The following ANKRD12 variants were observed in gnomAD, a reference collection of about 807,000 sequenced individuals.
ANKRD12 encodes ankyrin repeat domain-containing protein 12.
In ANKRD12, 85 loss-of-function variants were observed where a neutral mutation model predicts 183.4. That is an observed-to-expected ratio of 0.46 (90% CI 0.39 to 0.56). The LOEUF (loss-of-function observed/expected upper bound fraction) is 0.56. Among genes scored for constraint, ANKRD12 ranks in the 20% least tolerant of loss-of-function variants. The pLI, the probability that ANKRD12 is intolerant of heterozygous loss-of-function variation, is 0.00. For missense variants in ANKRD12, 2,405 were observed against 2,357.1 expected (o/e 1.02, Z -0.42); for synonymous variants, 914 against 800.2 (o/e 1.14, Z -2.40).
At chr18:9,224,695 T>A (rs1219898602) in intron 8 of ANKRD12, among the ~76,000 whole-genome samples, 1 of 152,206 alleles carries the variant, frequency 6.6e-6, no homozygotes, top group Non-Finnish European at 1.5e-5. Context: ...TGCAGAGATA[T>A]AACCAGAAGT....
At chr18:9,259,047 TGTCA>T (rs2038806437) in intron 9 of ANKRD12, 116 bp downstream of exon 9, 3 of 1,199,212 alleles carry the variant, frequency 2.5e-6, no homozygotes, top group Non-Finnish European at 3.4e-6. Flanking sequence ...CAAAATAATC[TGTCA>T]GTGAGTCGAG....
At chr18:9,210,006 T>A (rs551478709) in intron 5 of ANKRD12, among the ~76,000 whole-genome samples, 1 of 151,682 alleles carries the variant, frequency 6.6e-6, no homozygotes, top group East Asian at 1.9e-4. Flanking sequence ...TATGGGTTAA[T>A]TTTTTTTTCT....
At chr18:9,215,137 C>G (rs966254672) in intron 6 of ANKRD12, among the ~76,000 whole-genome samples, 2 of 152,012 alleles carry the variant, frequency 1.3e-5, no homozygotes, top group African/African-American at 4.8e-5. Flanking sequence ...GAAAATCTGC[C>G]TGAACAGTTT....
At chr18:9,178,796 T>C (rs548957678) in intron 1 of ANKRD12, among the ~76,000 whole-genome samples, 1 of 152,306 alleles carries the variant, frequency 6.6e-6, no homozygotes, top group African/African-American at 2.4e-5. Context: ...GGCATATCTT[T>C]CCATATATTT....
intron 2 of ANKRD12, among the ~76,000 whole-genome samples, chr18:9,183,943 AT>A (rs2033874016): frequency 6.6e-6 from 1 of 152,000 alleles, no homozygotes; most frequent in African/African-American, 2.4e-5. Context: ...AATTTCTCTA[AT>A]TTTTTTAAAC....
intron 8 of ANKRD12, chr18:9,235,745 T>G (rs1480928568): frequency 2.2e-6 from 1 of 453,970 alleles, no homozygotes; most frequent in Admixed American, 2.4e-5. Flanking sequence ...CAAACAGCCT[T>G]GGTTCTTTAA....
At chr18:9,269,391 A>G in intron 10 of ANKRD12, among the ~76,000 whole-genome samples, 1 of 133,526 alleles carries the variant, frequency 7.5e-6, no homozygotes, top group East Asian at 2.1e-4. Context: ...TACAGTAACC[A>G]AAACAGCATG....
At chr18:9,193,136 T>A (rs1489179456) in intron 2 of ANKRD12, among the ~76,000 whole-genome samples, 1 of 100,620 alleles carries the variant, frequency 9.9e-6, no homozygotes, top group South Asian at 2.6e-4. Flanking sequence ...GAGTACAGCA[T>A]TTTTTTTTTT....
chr18:9,137,287 G>C (rs1162348867), intron 1 of ANKRD12, among the ~76,000 whole-genome samples: 5 of 146,538 alleles, frequency 3.4e-5, no homozygotes, highest in Admixed American at 3.4e-4. Context: ...CCAACTGGGC[G>C]GGGGCGCTGC....
In ANKRD12 at chr18:9,256,896, C is replaced by G. The variant is rs2038664864; in HGVS notation, c.3629C>G (p.Ala1210Gly). The change falls in exon 9 of 13, where the codon GCT becomes GGT. Residue 1210 changes from alanine (A) to glycine (G), a missense_variant. Physicochemically the swap from Ala to Gly is moderately conservative, Grantham distance 60. Coordinates refer to ENST00000262126, the MANE Select transcript of ANKRD12 (RefSeq NM_015208.5). ...SSRSVSMISVASSEDSCHTTV... is the reference protein window; with the variant it reads ...SSRSVSMISVGSSEDSCHTTV... ...AGATCTGTATCCATGATTTCTGTTG[C>G]TAGTTCAGAAGATTCCTGCCATACT... 1.2e-6 allele frequency: 2 copies of G among 1,613,964 alleles called. No homozygotes were observed. Among genetic ancestry groups the G allele is most frequent in the Non-Finnish European group, 1.7e-6 (2 of 1,179,970 alleles).
chr18:9,198,910 C>CA (rs1401493431), intron 3 of ANKRD12, among the ~76,000 whole-genome samples: 17 of 151,708 alleles, frequency 1.1e-4, no homozygotes, highest in African/African-American at 3.6e-4. Flanking sequence ...TTTATAATAG[C>CA]AAAAAAATCA....
chr18:9,210,904 A>G (rs1337890295), intron 5 of ANKRD12, among the ~76,000 whole-genome samples: 1 of 152,016 alleles, frequency 6.6e-6, no homozygotes. Context: ...AGAATTAATT[A>G]ACACTGTATA....
chr18:9,199,807 A>G (rs555268764), intron 3 of ANKRD12, among the ~76,000 whole-genome samples: 52 of 152,080 alleles, frequency 3.4e-4, no homozygotes, highest in Non-Finnish European at 6.2e-4. Context: ...TTGTTCTTAC[A>G]TAAATTTATT....
At chr18:9,205,711 C>T (rs143885350) in intron 4 of ANKRD12, among the ~76,000 whole-genome samples, 5 of 152,116 alleles carry the variant, frequency 3.3e-5, no homozygotes, top group Admixed American at 2.0e-4. Context: ...TGGAGATTCA[C>T]GTAGATATTT....
At chr18:9,241,524 G>A (rs115915402) in intron 8 of ANKRD12, among the ~76,000 whole-genome samples, 3,171 of 152,230 alleles carry the variant, frequency 0.021, 68 homozygotes, top group African/African-American at 0.052. Flanking sequence ...TTGTTGAATA[G>A]CAGCAAGCAT....
At chr18:9,151,270 T>G (rs182203638) in intron 1 of ANKRD12, among the ~76,000 whole-genome samples, 2 of 152,316 alleles carry the variant, frequency 1.3e-5, no homozygotes, top group Admixed American at 1.3e-4. Flanking sequence ...TTGTTCGGTT[T>G]AAGTAGGAAT....
intron 3 of ANKRD12, among the ~76,000 whole-genome samples, chr18:9,199,012 G>T (rs2144476322): frequency 6.6e-6 from 1 of 152,174 alleles, no homozygotes; most frequent in South Asian, 2.1e-4. Context: ...ATGTAGTAAG[G>T]CTGGGCATGG....
At chr18:9,138,930 G>GT (rs754216679) in intron 1 of ANKRD12, among the ~76,000 whole-genome samples, 27 of 152,204 alleles carry the variant, frequency 1.8e-4, no homozygotes, top group Non-Finnish European at 3.8e-4. Flanking sequence ...CTCGTTATGT[G>GT]TTTTAGAGAC....
chr18:9,156,376 G>A (rs1487124564), intron 1 of ANKRD12, among the ~76,000 whole-genome samples: 1 of 152,014 alleles, frequency 6.6e-6, no homozygotes, highest in East Asian at 1.9e-4. Flanking sequence ...TTAGAAAGCT[G>A]TACAATAAAA....
Sources: gnomAD v4.1 joint callset for allele counts (sites outside exome capture counted in the v4.1 genomes callset) on GRCh38, gnomAD v4.1.1 for gene constraint, MANE v1.5 for transcripts, NCBI Gene and HGNC (gene_info 2026-07-23, HGNC 2026-07-21) for gene names.